The following GALNT2 variants were observed in gnomAD, a reference collection of about 807,000 sequenced individuals.
GALNT2 encodes polypeptide N-acetylgalactosaminyltransferase 2, also known as UDP-GalNAc:polypeptide N-acetylgalactosaminyltransferase 2.
In GALNT2, 31 loss-of-function variants were observed where a neutral mutation model predicts 81.4. The ratio of observed to expected loss-of-function variants is 0.38; its 90% CI spans 0.29 to 0.51. GALNT2 has a LOEUF of 0.51. Ranked by LOEUF, GALNT2 falls within the 20% of genes least tolerant of loss-of-function variation. GALNT2 has a pLI of 0.87. For missense variants in GALNT2, 629 were observed against 765.7 expected (o/e 0.82, Z 2.11); for synonymous variants, 303 against 287.4 (o/e 1.05, Z -0.55).
At chr1:230,250,177 C>T (rs1458370175) in intron 9 of GALNT2, among the ~76,000 whole-genome samples, 1 of 152,194 alleles carries the variant, frequency 6.6e-6, no homozygotes, top group African/African-American at 2.4e-5. Context: ...GAGTAGTGAT[C>T]CAGCCCCAGC....
At position 230,076,415 on chromosome 1, in the gene GALNT2, C is replaced by T. The variant is rs145916621; in HGVS notation, c.126+9009C>T. On this transcript the variant is annotated intron_variant, in intron 1 of 15. Transcript: ENST00000366672. ...TGCACCTTTTCCAGCACAGGATTTCCGCTGTGATGTGATCTTTGGGAGTTG... is the reference window on the plus strand; with the variant it reads ...TGCACCTTTTCCAGCACAGGATTTCTGCTGTGATGTGATCTTTGGGAGTTG... Among the ~76,000 whole-genome samples the T allele has an allele frequency of 1.6e-4, 24 of 152,190 alleles. No individual in the cohort carries two copies. In the East Asian group the frequency reaches 3.3e-3, roughly 21 times the overall value.
rs554596659 is a variant in GALNT2, at chr1:230,225,352, G to A, written c.375-10662G>A. Reference sequence around the variant, plus strand: ...ATGTGAAGCTGAACATCTTGTTTGGGATGGGCCCTAGTGGAAGTGCCCTGA... The same window carrying A: ...ATGTGAAGCTGAACATCTTGTTTGGAATGGGCCCTAGTGGAAGTGCCCTGA... On this transcript the variant is annotated intron_variant, in intron 3 of 15. Coordinates refer to ENST00000366672, the MANE Select transcript of GALNT2 (RefSeq NM_004481.5). Among the ~76,000 whole-genome samples the A allele has an allele frequency of 3.4e-4, 52 of 152,280 alleles. 1 individual carries two copies. The highest frequency in any genetic ancestry group is 7.8e-4 in the Admixed American group (12 of 15,296).
chr1:230,069,802 T>G (rs1390460676), intron 1 of GALNT2, among the ~76,000 whole-genome samples: 1 of 152,222 alleles, frequency 6.6e-6, no homozygotes, highest in African/African-American at 2.4e-5. Context: ...AGCTATAGTT[T>G]TTTTAGAGAT....
intron 1 of GALNT2, among the ~76,000 whole-genome samples, chr1:230,080,347 T>C (rs1659689599): frequency 6.6e-6 from 1 of 152,192 alleles, no homozygotes; most frequent in Admixed American, 6.5e-5. Context: ...GTCGGAGCTT[T>C]CTGCAGAAAT....
chr1:230,236,508 C>A, intron 5 of GALNT2, 88 bp downstream of exon 5: 1 of 1,463,862 alleles, frequency 6.8e-7, no homozygotes, highest in Non-Finnish European at 9.5e-7. Flanking sequence ...GAGGCGTGAA[C>A]AAGCCAGAAA....
chr1:230,078,300 C>T (rs967857585), intron 1 of GALNT2, among the ~76,000 whole-genome samples: 1 of 152,076 alleles, frequency 6.6e-6, no homozygotes, highest in East Asian at 1.9e-4. Context: ...ATGGAAGAAG[C>T]CAGATGTGCT....
intron 1 of GALNT2, among the ~76,000 whole-genome samples, chr1:230,096,636 C>G (rs952436942): frequency 6.6e-5 from 10 of 152,176 alleles, no homozygotes; most frequent in African/African-American, 2.4e-4. Context: ...CAACCTCCCT[C>G]CCTGCTCCCA....
intron 1 of GALNT2, among the ~76,000 whole-genome samples, chr1:230,086,051 C>G (rs1052027388): frequency 5.3e-5 from 8 of 152,156 alleles, no homozygotes; most frequent in African/African-American, 1.9e-4. Context: ...TCGGGTTCCA[C>G]CAGAAACGTG....
rs145436122 is a variant in GALNT2 at position 230,193,392 on chromosome 1, G to A, written c.221-9745G>A. ...TGCCCAAGAGCATATGTCCTGATCT[G>A]CTGCTGAAGGACAGTCGCAACTGAG... On this transcript the variant is annotated intron_variant, in intron 2 of 15. Transcript: ENST00000366672. This position sits in a 1 kb window ranked among gnomAD's most constrained non-coding sequence, Gnocchi z 4.3. Among the ~76,000 whole-genome samples, 1 of 152,290 alleles carries A rather than the reference G, an allele frequency of 6.6e-6. No homozygotes were observed. The highest frequency in any genetic ancestry group is 1.9e-4 in the East Asian group (1 of 5,182).
chr1:230,187,726 G>A (rs570613458), intron 2 of GALNT2, among the ~76,000 whole-genome samples: 1 of 152,308 alleles, frequency 6.6e-6, no homozygotes, highest in East Asian at 1.9e-4. Context: ...TTGAGCACTG[G>A]AAGTGGCTCT....
Position 230,275,388 on chromosome 1 carries a change from A to G in GALNT2, c.1560+824A>G, listed in dbSNP as rs1000065088. On this transcript the variant is annotated intron_variant, in intron 15 of 15. Transcript: ENST00000366672. This position sits in a 1 kb window ranked among gnomAD's most constrained non-coding sequence, Gnocchi z 5.5. ...ATACATCTATAAACACCACATGTAT[A>G]CACGCCACATATATACATATGTAAA... Among the ~76,000 whole-genome samples, 2 of 151,546 alleles carry G rather than the reference A, an allele frequency of 1.3e-5. No individual in the cohort carries two copies. The highest frequency in any genetic ancestry group is 4.9e-5 in the African/African-American group (2 of 41,204).
intron 1 of GALNT2, among the ~76,000 whole-genome samples, chr1:230,061,556 T>A (rs1160504350): frequency 6.6e-6 from 1 of 152,236 alleles, no homozygotes; most frequent in African/African-American, 2.4e-5. Flanking sequence ...TGGATTCAGA[T>A]ATTTCTGTTT....
chr1:230,265,419 TG>T (rs745533465), intron 14 of GALNT2, 52 bp downstream of exon 14: 28 of 1,611,448 alleles, frequency 1.7e-5, no homozygotes, highest in Admixed American at 1.2e-4. Context: ...GAGCAGGAGT[TG>T]GGGGGGTCCT....
chr1:230,218,233 G>A (rs925081807), intron 3 of GALNT2, among the ~76,000 whole-genome samples: 1 of 152,208 alleles, frequency 6.6e-6, no homozygotes, highest in African/African-American at 2.4e-5. Context: ...GATGTGGAAT[G>A]TGAAGAAGAG....
intron 14 of GALNT2, among the ~76,000 whole-genome samples, chr1:230,269,241 A>G (rs991699419): frequency 1.5e-5 from 2 of 134,220 alleles, no homozygotes; most frequent in Non-Finnish European, 3.0e-5. Context: ...GCTGGAGTGC[A>G]GTGGTGCAAT....
intron 1 of GALNT2, among the ~76,000 whole-genome samples, chr1:230,104,879 C>T (rs1418812677): frequency 6.6e-6 from 1 of 152,220 alleles, no homozygotes; most frequent in African/African-American, 2.4e-5. Context: ...AAATGCCACA[C>T]AGGACGCTTG....
At position 230,267,490 on chromosome 1, in the gene GALNT2, C is replaced by T. The variant is rs114624537; in HGVS notation, c.1440+2123C>T. On this transcript the variant is annotated intron_variant, in intron 14 of 15. Coordinates refer to ENST00000366672, the MANE Select transcript of GALNT2 (RefSeq NM_004481.5). ...CATGCCATTCCCAGGCTCCCAGGGC[C>T]TGGCGTCTGTGTGTAGCCTCTGGGC... 5.3e-3 allele frequency among the ~76,000 whole-genome samples: 804 copies of T among 152,360 alleles called. 6 individuals carry two copies. The highest frequency in any genetic ancestry group is 0.018 in the African/African-American group (769 of 41,590).
At chr1:230,196,847 A>T (rs1663711676) in intron 2 of GALNT2, among the ~76,000 whole-genome samples, 1 of 152,174 alleles carries the variant, frequency 6.6e-6, no homozygotes, top group Non-Finnish European at 1.5e-5. Flanking sequence ...TGGCATGCAC[A>T]GGTGAGGGGC....
At chr1:230,274,361 C>T (rs1558173353) in intron 14 of GALNT2, 84 bp from the exon 15 acceptor site, 2 of 1,540,660 alleles carry the variant, frequency 1.3e-6, no homozygotes, top group Admixed American at 1.9e-5. Flanking sequence ...GACCCATTTC[C>T]TTTTTGAGCC....
Sources: gnomAD v4.1 joint callset for allele counts (sites outside exome capture counted in the v4.1 genomes callset) on GRCh38, gnomAD v4.1.1 for gene constraint, Gnocchi (gnomAD v3.1) non-coding constraint, MANE v1.5 for transcripts, NCBI Gene and HGNC (gene_info 2026-07-23, HGNC 2026-07-21) for gene names.